The following ATG7 variants were observed in gnomAD, a reference collection of about 807,000 sequenced individuals.
ATG7 encodes the protein ubiquitin-like modifier-activating enzyme ATG7.
Under a neutral mutation model 82.4 loss-of-function variants are expected in ATG7, and 70 were observed. That is an observed-to-expected ratio of 0.85 (90% confidence interval 0.70 to 1.04). The LOEUF (loss-of-function observed/expected upper bound fraction) is 1.04, where lower values mean the gene tolerates loss of function less well. ATG7 is among the 50% of genes least tolerant of loss of function. The pLI is 0.00. For missense variants in ATG7, 792 were observed against 864.3 expected (o/e 0.92, Z 1.05); for synonymous variants, 287 against 313.0 (o/e 0.92, Z 0.88).
At chr3:11,337,831 T>G (rs1952788017) in intron 11 of ATG7, among the ~76,000 whole-genome samples, 1 of 152,144 alleles carries the variant, frequency 6.6e-6, no homozygotes, top group East Asian at 1.9e-4. Context: ...TTTGAAATTA[T>G]GTCTTATTTT....
intron 20 of ATG7, among the ~76,000 whole-genome samples, chr3:11,449,654 T>C (rs1442424467): frequency 6.6e-6 from 1 of 152,154 alleles, no homozygotes; most frequent in African/African-American, 2.4e-5. Flanking sequence ...AAATCTAACG[T>C]GTGTATTTGG....
At chr3:11,416,010 A>G (rs2081344965) in intron 19 of ATG7, among the ~76,000 whole-genome samples, 1 of 152,178 alleles carries the variant, frequency 6.6e-6, no homozygotes, top group African/African-American at 2.4e-5. Flanking sequence ...GGGATTAGGA[A>G]TTTTTCGGCT....
At chr3:11,484,024 T>C (rs1574943947) in intron 20 of ATG7, among the ~76,000 whole-genome samples, 1 of 152,176 alleles carries the variant, frequency 6.6e-6, no homozygotes, top group Admixed American at 6.5e-5. Flanking sequence ...GACAATTACT[T>C]ATGGGCATGT....
chr3:11,454,643 T>C (rs1468704341), intron 20 of ATG7, among the ~76,000 whole-genome samples: 1 of 152,176 alleles, frequency 6.6e-6, no homozygotes, highest in African/African-American at 2.4e-5. Context: ...CCTTTTAGCT[T>C]GAGTAAATAA....
intron 20 of ATG7, among the ~76,000 whole-genome samples, chr3:11,459,185 A>C (rs1038265104): frequency 2.6e-5 from 4 of 151,496 alleles, no homozygotes; most frequent in African/African-American, 9.7e-5. Flanking sequence ...AAAAAAAAAA[A>C]AAAACAGCAA....
intron 20 of ATG7, chr3:11,529,874 G>C (rs1240920617): frequency 1.3e-5 from 2 of 152,360 alleles, no homozygotes; most frequent in African/African-American, 4.8e-5. Flanking sequence ...TGTTGGCTCT[G>C]TCACCTTTTG....
intron 20 of ATG7, among the ~76,000 whole-genome samples, chr3:11,496,005 T>C (rs1376579841): frequency 6.6e-6 from 1 of 152,146 alleles, no homozygotes; most frequent in Non-Finnish European, 1.5e-5. Context: ...GGTAGCCCTA[T>C]GACGTAAGTA....
At chr3:11,503,225 T>G (rs541425658) in intron 20 of ATG7, among the ~76,000 whole-genome samples, 1 of 152,268 alleles carries the variant, frequency 6.6e-6, no homozygotes, top group South Asian at 2.1e-4. Flanking sequence ...TTCAGACAGC[T>G]TCTGAGTACC....
chr3:11,496,776 G>T (rs2090866266), intron 20 of ATG7, among the ~76,000 whole-genome samples: 1 of 152,096 alleles, frequency 6.6e-6, no homozygotes, highest in South Asian at 2.1e-4. Context: ...AGCTGGAAAA[G>T]AAAAATAAAG....
chr3:11,280,140 G>A (rs1357287630), intron 1 of ATG7, among the ~76,000 whole-genome samples: 7 of 151,774 alleles, frequency 4.6e-5, no homozygotes, highest in Non-Finnish European at 7.4e-5. Flanking sequence ...TGCGCCTCCC[G>A]GGTTCAAGCA....
At chr3:11,469,856 G>A (rs2087253090) in intron 20 of ATG7, among the ~76,000 whole-genome samples, 1 of 151,918 alleles carries the variant, frequency 6.6e-6, no homozygotes. Flanking sequence ...CAGGCATGGT[G>A]GCATGTACCT....
At chr3:11,338,710 G>A (rs1003778266) in intron 11 of ATG7, among the ~76,000 whole-genome samples, 4 of 152,156 alleles carry the variant, frequency 2.6e-5, no homozygotes, top group Admixed American at 2.6e-4. Context: ...TACCACATCA[G>A]AGTGCCCGAT....
intron 14 of ATG7, among the ~76,000 whole-genome samples, chr3:11,349,662 G>C (rs1472009798): frequency 6.6e-6 from 1 of 152,182 alleles, no homozygotes; most frequent in Non-Finnish European, 1.5e-5. Context: ...ATTTAGGAGT[G>C]TATATATTTT....
chr3:11,414,855 T>C (rs2081232181), intron 19 of ATG7, among the ~76,000 whole-genome samples: 1 of 152,274 alleles, frequency 6.6e-6, no homozygotes, highest in Non-Finnish European at 1.5e-5. Flanking sequence ...TGATGGTTTA[T>C]ATTGATTTTC....
At chr3:11,565,072 C>A in the ATG7 span, 4 of 1,427,172 alleles carry the variant, frequency 2.8e-6, no homozygotes, top group Non-Finnish European at 3.7e-6. This position sits in a 1 kb window ranked among gnomAD's most constrained non-coding sequence, Gnocchi z 4.1. Flanking sequence ...GCAAAGGGGA[C>A]AGTGACTGTG....
chr3:11,378,766 A>G (rs2077646730), intron 18 of ATG7, among the ~76,000 whole-genome samples: 1 of 151,574 alleles, frequency 6.6e-6, no homozygotes, highest in Non-Finnish European at 1.5e-5. Context: ...GTATGCACAA[A>G]CAGTTAACAC....
intron 19 of ATG7, among the ~76,000 whole-genome samples, chr3:11,401,527 G>A (rs567303982): frequency 1.3e-5 from 2 of 152,276 alleles, no homozygotes; most frequent in South Asian, 4.1e-4. Context: ...TACACTCATG[G>A]TATCCACTCA....
chr3:11,533,566 CA>C lies in ATG7; in HGVS notation c.2080-21242del, dbSNP rs2092732919. Among the ~76,000 whole-genome samples, 8 of 132,650 alleles carry C rather than the reference CA, an allele frequency of 6.0e-5. No homozygotes were observed. In the South Asian group the frequency reaches 1.9e-3, roughly 31 times the overall value. The allele number at this position is 132,650 out of a possible 152,430, so 87.0% of individuals were successfully genotyped here. On this transcript the variant is annotated intron_variant, in intron 20 of 20. Coordinates refer to ENST00000693202, the MANE Select transcript of ATG7 (RefSeq NM_001349232.2). ...AAAAAAAAAAAAAAAAGCCATTACA[CA>C]AATACTTGAAAGCAGAAACTCTTCT... is the stretch of plus-strand genomic sequence containing the variant.
At chr3:11,345,277 C>T (rs1954340917) in intron 13 of ATG7, among the ~76,000 whole-genome samples, 1 of 152,160 alleles carries the variant, frequency 6.6e-6, no homozygotes, top group Non-Finnish European at 1.5e-5. Context: ...GGCATGGTGG[C>T]AGGCGCCTGT....
Sources: allele counts gnomAD v4.1 joint callset (sites outside exome capture counted in the v4.1 genomes callset), GRCh38; gene constraint gnomAD v4.1.1; non-coding constraint Gnocchi (gnomAD v3.1); transcripts MANE v1.5; gene names NCBI Gene and HGNC (gene_info 2026-07-23, HGNC 2026-07-21).